Variants in PTPRK observed in about 807,000 individuals in gnomAD.
PTPRK encodes receptor-type tyrosine-protein phosphatase kappa.
PTPRK carries 75 observed loss-of-function variants against 178.0 expected under a neutral mutation model. The ratio of observed to expected loss-of-function variants is 0.42; its 90% CI spans 0.35 to 0.51. The LOEUF (loss-of-function observed/expected upper bound fraction) is 0.51, where lower values mean the gene tolerates loss of function less well. Ranked by LOEUF, PTPRK falls within the 20% of genes least tolerant of loss-of-function variation. The pLI is 0.02. For missense variants in PTPRK, 1,441 were observed against 1,797.8 expected (o/e 0.80, Z 3.59); for synonymous variants, 637 against 620.6 (o/e 1.03, Z -0.39).
chr6:128,245,384 T>C (rs751141997), intron 3 of PTPRK, among the ~76,000 whole-genome samples: 20 of 152,352 alleles, frequency 1.3e-4, no homozygotes, highest in Non-Finnish European at 2.6e-4. Flanking sequence ...ACTAGCACAC[T>C]GACTAGACAT....
At chr6:128,469,861 A>C (rs1185501896) in intron 1 of PTPRK, among the ~76,000 whole-genome samples, 2 of 152,134 alleles carry the variant, frequency 1.3e-5, no homozygotes, top group African/African-American at 4.8e-5. Flanking sequence ...AAAAAGGGCC[A>C]TGAGCCAAGA....
At chr6:128,392,190 CCTCA>C (rs561746247) in intron 2 of PTPRK, among the ~76,000 whole-genome samples, 91 of 152,228 alleles carry the variant, frequency 6.0e-4, no homozygotes, top group African/African-American at 2.1e-3. Context: ...CTGAATCAGA[CCTCA>C]CTAAGTTTTA....
intron 1 of PTPRK, among the ~76,000 whole-genome samples, chr6:128,433,538 T>G (rs1255889855): frequency 6.6e-6 from 1 of 152,098 alleles, no homozygotes; most frequent in Non-Finnish European, 1.5e-5. Flanking sequence ...AGGCAGGGTT[T>G]TGCTCTGTCT....
intron 13 of PTPRK, among the ~76,000 whole-genome samples, chr6:128,017,997 T>C (rs975353112): frequency 6.6e-6 from 1 of 150,920 alleles, no homozygotes; most frequent in Admixed American, 6.6e-5. Context: ...GCTTTTATGT[T>C]CTTTAGTGTT....
intron 3 of PTPRK, among the ~76,000 whole-genome samples, chr6:128,289,803 G>T (rs1377917833): frequency 1.3e-5 from 2 of 152,038 alleles, no homozygotes; most frequent in African/African-American, 4.8e-5. Flanking sequence ...AAATTGTTAG[G>T]TATTTCATAC....
intron 7 of PTPRK, among the ~76,000 whole-genome samples, chr6:128,152,916 T>TA: frequency 6.6e-6 from 1 of 152,094 alleles, no homozygotes; most frequent in Middle Eastern, 3.4e-3. Flanking sequence ...CTAGAGGCAG[T>TA]ACCTGGTGAC....
At chr6:128,082,067 G>A (rs1784919132) in intron 10 of PTPRK, among the ~76,000 whole-genome samples, 1 of 151,882 alleles carries the variant, frequency 6.6e-6, no homozygotes, top group Non-Finnish European at 1.5e-5. Context: ...ACTAGAGAAA[G>A]GATCTTCTAC....
chr6:128,348,055 A>G (rs549976615), intron 2 of PTPRK, among the ~76,000 whole-genome samples: 1 of 152,190 alleles, frequency 6.6e-6, no homozygotes, highest in South Asian at 2.1e-4. Context: ...CAGATCATCT[A>G]TTGTAGCTTT....
At chr6:128,367,056 C>CTA (rs1381829121) in intron 2 of PTPRK, among the ~76,000 whole-genome samples, 1 of 152,106 alleles carries the variant, frequency 6.6e-6, no homozygotes, top group Admixed American at 6.6e-5. Context: ...GTTGGACCTA[C>CTA]TATATTATAG....
Position 128,195,747 on chromosome 6 carries a change from C to T in PTPRK, c.869-11022G>A, listed in dbSNP as rs538571377. Among the ~76,000 whole-genome samples the T allele has an allele frequency of 3.9e-5, 6 of 152,162 alleles. No individual in the cohort carries two copies. The South Asian group carries it at 1.2e-3, about 32-fold the overall frequency. On this transcript the variant is annotated intron_variant, in intron 6 of 29. Transcript: ENST00000368226. The stretch of plus-strand genomic sequence containing the variant: ...AAAGCAGTCATAGTTATAAGCCTCT[C>T]TTTGGATCAAAAAAACATAAATCTT...
intron 5 of PTPRK, among the ~76,000 whole-genome samples, chr6:128,237,262 A>G (rs1229926309): frequency 2.0e-5 from 3 of 152,226 alleles, no homozygotes; most frequent in Non-Finnish European, 4.4e-5. Flanking sequence ...TATTTGGAGG[A>G]CATATAAAGT....
intron 7 of PTPRK, among the ~76,000 whole-genome samples, chr6:128,132,895 C>A (rs1307733097): frequency 6.6e-6 from 1 of 152,142 alleles, no homozygotes; most frequent in African/African-American, 2.4e-5. Flanking sequence ...ATTTGAACAT[C>A]TAGGTGTCAG....
chr6:128,284,932 G>C, intron 3 of PTPRK, among the ~76,000 whole-genome samples: 1 of 152,154 alleles, frequency 6.6e-6, no homozygotes, highest in East Asian at 1.9e-4. Context: ...TGAGTATACA[G>C]AAGTTCATTA....
Position 128,397,743 on chromosome 6 carries a change from A to G in PTPRK, c.101-55T>C. On this transcript the variant is annotated intron_variant, in intron 1 of 29. Transcript: ENST00000368226. ...CTAAACAGATTTTCCAAACATAACG[A>G]AAGTTCTGGAGAAGGAAATGTTATA... 1.3e-6 allele frequency: 2 copies of G among 1,546,772 alleles called. 1 individual carries two copies. The highest frequency in any genetic ancestry group is 2.2e-5 in the South Asian group (2 of 89,082).
intron 6 of PTPRK, among the ~76,000 whole-genome samples, chr6:128,206,044 T>C (rs1806900672): frequency 6.6e-6 from 1 of 151,850 alleles, no homozygotes; most frequent in Non-Finnish European, 1.5e-5. Context: ...AGAAATTATG[T>C]TATAATTTGA....
chr6:128,260,907 A>G (rs887532408), intron 3 of PTPRK, among the ~76,000 whole-genome samples: 1 of 152,196 alleles, frequency 6.6e-6, no homozygotes, highest in African/African-American at 2.4e-5. Flanking sequence ...GTTGTCCTCT[A>G]AGATCTGAAA....
At chr6:128,235,560 C>A in intron 5 of PTPRK, 1 of 509,662 alleles carries the variant, frequency 2.0e-6, no homozygotes, top group Non-Finnish European at 4.1e-6. Context: ...CAAGGTCGCA[C>A]TTTGGGCAGT....
At chr6:127,980,998 T>C (rs1457584544) in intron 25 of PTPRK, 118 bp downstream of exon 25, 2 of 1,032,924 alleles carry the variant, frequency 1.9e-6, no homozygotes, top group Non-Finnish European at 2.7e-6. Flanking sequence ...TCAATAAAAG[T>C]TTCCACTTTT....
chr6:128,118,852 G>T (rs1003369882), intron 7 of PTPRK, among the ~76,000 whole-genome samples: 3 of 152,010 alleles, frequency 2.0e-5, no homozygotes, highest in African/African-American at 4.8e-5. Flanking sequence ...CTTTCCTTAG[G>T]TTTATCTTGT....
Sources: gnomAD v4.1 joint callset for allele counts (sites outside exome capture counted in the v4.1 genomes callset) on GRCh38, gnomAD v4.1.1 for gene constraint, MANE v1.5 for transcripts, NCBI Gene and HGNC (gene_info 2026-07-23, HGNC 2026-07-21) for gene names.